Variants in CTHRC1 observed in about 807,000 individuals in gnomAD.
CTHRC1 encodes collagen triple helix repeat containing 1, also known as collagen triple helix repeat-containing protein 1.
In CTHRC1, 21 loss-of-function variants were observed where a neutral mutation model predicts 25.9. The ratio of observed to expected loss-of-function variants is 0.81; its 90% CI spans 0.57 to 1.17. The LOEUF (loss-of-function observed/expected upper bound fraction) is 1.17. Among genes scored for constraint, CTHRC1 ranks in the 50% most tolerant of loss-of-function variants. The probability of loss-of-function intolerance (pLI) is 0.00; values close to 1 mark genes in which losing one functional copy is unlikely to be tolerated. For synonymous variants in CTHRC1, 109 were observed against 113.1 expected (o/e 0.96, Z 0.23); for missense variants, 281 against 304.3 (o/e 0.92, Z 0.57).
At chr8:103,372,596 AAC>A (rs1453163694) in intron 1 of CTHRC1, 5 of 1,598,140 alleles carry the variant, frequency 3.1e-6, no homozygotes, top group Non-Finnish European at 2.5e-6. Flanking sequence ...TACGGGAGAA[AAC>A]AGTTTCCAGG....
chr8:103,382,911 A>G lies in CTHRC1; in HGVS notation c.*311A>G, dbSNP rs1815939617. On this transcript the variant is annotated 3_prime_UTR_variant, in exon 4 of 4. Coordinates refer to ENST00000330295, the MANE Select transcript of CTHRC1 (RefSeq NM_138455.4). ...TAGTATAGCATTTTTAAAAAAATAT[A>G]AAAGCTACCAATCTTTGTACAATTT... 4.6e-6 allele frequency: 1 copy of G among 217,718 alleles called. No homozygotes were observed. The highest frequency in any genetic ancestry group is 9.3e-6 in the Non-Finnish European group (1 of 107,884). 13.5% of individuals were successfully genotyped at this position (217,718 alleles called of 1,614,324 possible). A position where few individuals can be genotyped will look rare whatever the true frequency, so the allele number is the denominator to read the frequency against.
chr8:103,371,564 C>A lies in CTHRC1; in HGVS notation c.-93C>A. On this transcript the variant is annotated 5_prime_UTR_variant, in exon 1 of 4. Coordinates refer to ENST00000330295, the MANE Select transcript of CTHRC1 (RefSeq NM_138455.4). ...AAAGGCGCATTGATGCAGCCTGCGG[C>A]GGCCTCGGAGCGCGGCGGAGCCAGA... 1 of 1,362,658 alleles carries A rather than the reference C, an allele frequency of 7.3e-7. No homozygotes were observed. The allele number at this position is 1,362,658 out of a possible 1,614,324, so 84.4% of individuals were successfully genotyped here.
At chr8:103,371,883 C>A (rs1362405830) in intron 1 of CTHRC1, 77 bp downstream of exon 1, 1 of 1,386,174 alleles carries the variant, frequency 7.2e-7, no homozygotes, top group Admixed American at 2.8e-5. Flanking sequence ...GGCAGGGCGT[C>A]AGTCTGGCTG....
rs1815705914 is a variant in CTHRC1, at chr8:103,371,732, G to T, written c.76G>T (p.Ala26Ser). 5 of 1,535,096 alleles carry T rather than the reference G, an allele frequency of 3.3e-6. No homozygotes were observed. Among genetic ancestry groups the T allele is most frequent in the Admixed American group, 2.0e-5 (1 of 49,944 alleles). ...GCTGCTCCTGCTGCTGCAGCTGCCC[G>T]CGCCGTCGAGCGCCTCTGAGATCCC... ...LLLLLLLQLPAPSSASEIPKG... is the reference protein window; with the variant it reads ...LLLLLLLQLPSPSSASEIPKG... Residue 26 changes from alanine (A) to serine (S), a missense_variant, in exon 1 of 4, where the codon GCG becomes TCG. Physicochemically the swap from Ala to Ser is moderately conservative, Grantham distance 99. Transcript: ENST00000330295.
In CTHRC1 at chr8:103,380,577, G is replaced by C. The variant is rs562751863; in HGVS notation, c.590-1881G>C. ...ACATGGTCTAGGAGGAAAACAGGTTGAGAACTCCCAATCCAACATATCGTT... is the reference window on the plus strand; with the variant it reads ...ACATGGTCTAGGAGGAAAACAGGTTCAGAACTCCCAATCCAACATATCGTT... On this transcript the variant is annotated intron_variant, in intron 3 of 3. Transcript: ENST00000330295. 1.9e-3 allele frequency among the ~76,000 whole-genome samples: 290 copies of C among 152,286 alleles called. 1 individual carries two copies. The highest frequency in any genetic ancestry group is 2.6e-3 in the Non-Finnish European group (175 of 68,020).
In CTHRC1 at chr8:103,375,845, C is replaced by T. The variant is rs1248088241; in HGVS notation, c.258C>T (p.Phe86=). The T allele has an allele frequency of 1.2e-6, 2 of 1,613,838 alleles. No homozygotes were observed. The highest frequency in any genetic ancestry group is 2.7e-5 in the African/African-American group (2 of 74,844). ...GTPGIPGRDG[F]KGEKGECLRE... ...CTGGGATCCCAGGTCGGGATGGATT[C>T]AAAGGAGAAAAGGGGGAATGTCTGA... The change falls in exon 2 of 4, where the codon TTC becomes TTT. Residue 86 remains phenylalanine, a synonymous_variant. Coordinates refer to ENST00000330295, the MANE Select transcript of CTHRC1 (RefSeq NM_138455.4).
chr8:103,371,606 C>G lies in CTHRC1; in HGVS notation c.-51C>G, dbSNP rs764192748. 4.6e-6 allele frequency: 7 copies of G among 1,521,086 alleles called. 2 individuals carry two copies. In the South Asian group the frequency reaches 8.6e-5, roughly 19 times the overall value. 94.2% of individuals were successfully genotyped at this position (1,521,086 alleles called of 1,614,324 possible). Reference sequence around the variant, plus strand: ...GGAGCCAGACGCTGACCACGTTCCTCTCCTCGGTCTCCTCCGCCTCCAGCT... The same window carrying G: ...GGAGCCAGACGCTGACCACGTTCCTGTCCTCGGTCTCCTCCGCCTCCAGCT... On this transcript the variant is annotated 5_prime_UTR_variant, in exon 1 of 4. Transcript: ENST00000330295.
intron 3 of CTHRC1, 88 bp from the exon 4 acceptor site, chr8:103,382,370 A>C (rs1049091441): frequency 6.5e-6 from 9 of 1,385,318 alleles, no homozygotes; most frequent in Non-Finnish European, 8.2e-6. Context: ...ACAGAATTAC[A>C]AACTAGCTTT....
chr8:103,371,755 C>T lies in CTHRC1; in HGVS notation c.99C>T (p.Ile33=), dbSNP rs1194691483. 2.0e-6 allele frequency: 3 copies of T among 1,535,422 alleles called. No individual in the cohort carries two copies. Among genetic ancestry groups the T allele is most frequent in the Middle Eastern group, 2.1e-4 (1 of 4,668 alleles). ...CCGCGCCGTCGAGCGCCTCTGAGAT[C>T]CCCAAGGGGAAGCAAAAGGCGCAGC... ...QLPAPSSASE[I]PKGKQKAQLR... The change falls in exon 1 of 4, where the codon ATC becomes ATT. Residue 33 remains isoleucine, a synonymous_variant. Transcript: ENST00000330295.
intron 3 of CTHRC1, among the ~76,000 whole-genome samples, chr8:103,381,687 T>C (rs1815913620): frequency 1.3e-5 from 2 of 152,194 alleles, no homozygotes; most frequent in African/African-American, 4.8e-5. Context: ...ATGTAGAATT[T>C]CTTTTAATGT....
At chr8:103,372,557 G>A in intron 1 of CTHRC1, 1 of 1,598,350 alleles carries the variant, frequency 6.3e-7, no homozygotes, top group South Asian at 1.1e-5. Context: ...TTCATATGTG[G>A]CCGCCAGGTA....
Position 103,371,733 on chromosome 8 carries a change from C to A in CTHRC1, c.77C>A (p.Ala26Glu). The A allele has an allele frequency of 6.5e-7, 1 of 1,535,306 alleles. No homozygotes were observed. Among genetic ancestry groups the A allele is most frequent in the East Asian group, 2.5e-5 (1 of 39,336 alleles). ...CTGCTCCTGCTGCTGCAGCTGCCCG[C>A]GCCGTCGAGCGCCTCTGAGATCCCC... ...LLLLLLLQLP[A>E]PSSASEIPKG... The change falls in exon 1 of 4, where the codon GCG becomes GAG. Residue 26 changes from alanine to glutamate, a missense_variant. Physicochemically the swap from Ala to Glu is moderately radical, Grantham distance 107 (BLOSUM62 -1). Transcript: ENST00000330295.
intron 3 of CTHRC1, among the ~76,000 whole-genome samples, 160 bp downstream of exon 3, chr8:103,378,403 C>T (rs1483155855): frequency 2.0e-5 from 3 of 152,190 alleles, no homozygotes; most frequent in East Asian, 1.9e-4. Context: ...CATTACCTCT[C>T]GATCTTTTAA....
intron 1 of CTHRC1, 32 bp downstream of exon 1, chr8:103,371,838 G>T: frequency 6.8e-7 from 1 of 1,475,974 alleles, no homozygotes; most frequent in South Asian, 1.4e-5. Context: ...CGGGACCGCC[G>T]CGCTGGTGGA....
intron 3 of CTHRC1, among the ~76,000 whole-genome samples, chr8:103,379,444 A>T (rs973184084): frequency 2.6e-5 from 4 of 151,620 alleles, no homozygotes; most frequent in African/African-American, 9.7e-5. Context: ...TCATTAAAGA[A>T]AGTTTAGAAA....
intron 1 of CTHRC1, among the ~76,000 whole-genome samples, chr8:103,374,953 A>G (rs373415883): frequency 1.3e-5 from 2 of 152,332 alleles, no homozygotes; most frequent in East Asian, 1.9e-4. Flanking sequence ...ATGCTACAAG[A>G]TGTCCTTCTC....
At position 103,371,552 on chromosome 8, in the gene CTHRC1, T is replaced by C. The variant is rs1037573655; in HGVS notation, c.-105T>C. 4 of 1,266,536 alleles carry C rather than the reference T, an allele frequency of 3.2e-6. No individual in the cohort carries two copies. Among genetic ancestry groups the C allele is most frequent in the Non-Finnish European group, 4.3e-6 (4 of 925,900 alleles). The allele number at this position is 1,266,536 out of a possible 1,614,324, so 78.5% of individuals were successfully genotyped here. A position where few individuals can be genotyped will look rare whatever the true frequency, so the allele number is the denominator to read the frequency against. On this transcript the variant is annotated 5_prime_UTR_variant, in exon 1 of 4. The change abolishes an upstream ATG in the 5' untranslated region. Coordinates refer to ENST00000330295, the MANE Select transcript of CTHRC1 (RefSeq NM_138455.4). ...GGCGCGCGGGTGAAAGGCGCATTGA[T>C]GCAGCCTGCGGCGGCCTCGGAGCGC...
chr8:103,375,676 C>T (rs1449028551), intron 1 of CTHRC1, 62 bp from the exon 2 acceptor site: 1 of 1,376,260 alleles, frequency 7.3e-7, no homozygotes, highest in Non-Finnish European at 1.0e-6. Flanking sequence ...CATTTCTAAT[C>T]ATACTGAGTC....
At chr8:103,371,852 G>A (rs1815710632) in intron 1 of CTHRC1, 46 bp downstream of exon 1, 1 of 1,459,584 alleles carries the variant, frequency 6.9e-7, no homozygotes, top group Non-Finnish European at 9.1e-7. Context: ...TGGTGGAGGG[G>A]ACCTGGCCGC....
Sources: gnomAD v4.1 joint callset for allele counts (sites outside exome capture counted in the v4.1 genomes callset) on GRCh38, gnomAD v4.1.1 for gene constraint, MANE v1.5 for transcripts, NCBI Gene and HGNC (gene_info 2026-07-23, HGNC 2026-07-21) for gene names.